The following TNFRSF1B variants were observed in gnomAD, a reference collection of about 807,000 sequenced individuals.
TNFRSF1B encodes TNF receptor superfamily member 1B.
Under a neutral mutation model 44.6 loss-of-function variants are expected in TNFRSF1B, and 19 were observed. That is an observed-to-expected ratio of 0.43 (90% CI 0.30 to 0.62). TNFRSF1B has a LOEUF of 0.62. Among genes scored for constraint, TNFRSF1B ranks in the 20% least tolerant of loss-of-function variants. The pLI is 0.16. For synonymous variants in TNFRSF1B, 252 were observed against 261.1 expected (o/e 0.97, Z 0.34); for missense variants, 541 against 619.9 (o/e 0.87, Z 1.35).
chr1:12,176,342 G>A (rs905678815), intron 1 of TNFRSF1B, among the ~76,000 whole-genome samples: 1 of 152,254 alleles, frequency 6.6e-6, no homozygotes, highest in African/African-American at 2.4e-5. Context: ...GAGGCTGTAA[G>A]TTTAGGGCCA....
chr1:12,206,442 C>A (rs1639504537), intron 9 of TNFRSF1B, among the ~76,000 whole-genome samples: 1 of 151,946 alleles, frequency 6.6e-6, no homozygotes, highest in Admixed American at 6.5e-5. Flanking sequence ...CTCAAGCGAT[C>A]CTACAAACTT....
intron 1 of TNFRSF1B, among the ~76,000 whole-genome samples, chr1:12,183,752 G>T (rs1201133): frequency 0.053 from 3,173 of 60,268 alleles, 178 homozygotes; most frequent in African/African-American, 0.094. Flanking sequence ...TATCTATCTA[G>T]CTAGCTAGCT....
intron 1 of TNFRSF1B, among the ~76,000 whole-genome samples, chr1:12,174,148 T>TCTTCTTCTTCTTCTTCTTCTTCTC (rs1638586183): frequency 1.2e-5 from 1 of 81,882 alleles, no homozygotes. Flanking sequence ...TTCTTCTTCT[T>TCTTCTTCTTCTTCTTCTTCTTCTC]CTTCTTCTTC....
chr1:12,204,033 C>G (rs1639448127), intron 9 of TNFRSF1B, among the ~76,000 whole-genome samples: 1 of 152,224 alleles, frequency 6.6e-6, no homozygotes. Flanking sequence ...CGCAGCCCAT[C>G]TTTCTGATTT....
At chr1:12,193,912 A>C in intron 6 of TNFRSF1B, 43 bp from the exon 7 acceptor site, 1 of 1,559,432 alleles carries the variant, frequency 6.4e-7, no homozygotes, top group Non-Finnish European at 8.8e-7. Context: ...GGTACATTTG[A>C]GTTTGTTTTC....
chr1:12,167,543 C>G (rs1393578343), intron 1 of TNFRSF1B: 2 of 382,786 alleles, frequency 5.2e-6, no homozygotes, highest in African/African-American at 4.4e-5. Context: ...ACTGCCGCGA[C>G]AGCCCTTCCC....
intron 8 of TNFRSF1B, among the ~76,000 whole-genome samples, chr1:12,200,377 G>T (rs558956643): frequency 3.3e-5 from 5 of 152,030 alleles, no homozygotes; most frequent in African/African-American, 1.2e-4. Context: ...AGACGTGAGC[G>T]CTCTCTGCCC....
At chr1:12,183,612 T>G in intron 1 of TNFRSF1B, among the ~76,000 whole-genome samples, 1 of 119,120 alleles carries the variant, frequency 8.4e-6, no homozygotes, top group Non-Finnish European at 2.1e-5. Context: ...TATCTATCTA[T>G]CTGTTTGTCT....
At chr1:12,185,960 G>A (rs1417977266) in intron 1 of TNFRSF1B, among the ~76,000 whole-genome samples, 1 of 152,224 alleles carries the variant, frequency 6.6e-6, no homozygotes, top group Non-Finnish European at 1.5e-5. Context: ...TCAGGGTGGG[G>A]TGCGGGCAGG....
chr1:12,191,995 G>C, intron 4 of TNFRSF1B, 72 bp downstream of exon 4: 1 of 1,543,632 alleles, frequency 6.5e-7, no homozygotes, highest in South Asian at 1.2e-5. Context: ...GCAGTGTCAC[G>C]GGCATCAACC....
chr1:12,184,690 G>T (rs1055811189), intron 1 of TNFRSF1B, among the ~76,000 whole-genome samples: 4 of 152,220 alleles, frequency 2.6e-5, no homozygotes, highest in African/African-American at 9.7e-5. Context: ...CCACGGCAGG[G>T]CTCTTTCCCA....
At chr1:12,201,857 A>T in intron 8 of TNFRSF1B, 110 bp from the exon 9 acceptor site, 1 of 1,413,930 alleles carries the variant, frequency 7.1e-7, no homozygotes. Flanking sequence ...CGTCACGTAA[A>T]CTGAGAAGTG....
chr1:12,191,134 T>A (rs472093), intron 3 of TNFRSF1B, 49 bp downstream of exon 3: 278,063 of 1,591,908 alleles, frequency 0.17, 25,437 homozygotes, highest in Middle Eastern at 0.24. Context: ...TGCCTCCAAC[T>A]TCCCCCGGCA....
At position 12,177,281 on chromosome 1, in the gene TNFRSF1B, A is replaced by G. The variant is rs185450577; in HGVS notation, c.78+10112A>G. Among the ~76,000 whole-genome samples, 1 of 152,166 alleles carries G rather than the reference A, an allele frequency of 6.6e-6. No individual in the cohort carries two copies. The highest frequency in any genetic ancestry group is 2.4e-5 in the African/African-American group (1 of 41,522). On this transcript the variant is annotated intron_variant, in intron 1 of 9. Transcript: ENST00000376259. This position sits in a 1 kb window ranked among gnomAD's most constrained non-coding sequence, Gnocchi z 4.3. ...CTTGGCCTCCCAGAGTGCTGGGATT[A>G]CAGGCGGGAGCCACCGTGCCCGGCC...
Position 12,167,245 on chromosome 1 carries a change from C to G in TNFRSF1B, c.78+76C>G, listed in dbSNP as rs5745952. ...GGCTGGTGCGCAGCCTTCGGGTGCC[C>G]GGGCCGCGCTCTCCCGGGGCGCTGT... On this transcript the variant is annotated intron_variant, in intron 1 of 9. Transcript: ENST00000376259. The G allele has an allele frequency of 1.7e-3, 1,844 of 1,106,984 alleles. 20 individuals are homozygous for G. In the African/African-American group the frequency reaches 0.027, roughly 16 times the overall value. The allele number at this position is 1,106,984 out of a possible 1,614,324, so 68.6% of individuals were successfully genotyped here. A position where few individuals can be genotyped will look rare whatever the true frequency, so the allele number is the denominator to read the frequency against.
Position 12,199,182 on chromosome 1 carries a change from AG to A in TNFRSF1B, c.901-2780del, listed in dbSNP as rs779289121. Among the ~76,000 whole-genome samples, 2 of 152,084 alleles carry A rather than the reference AG, an allele frequency of 1.3e-5. No individual in the cohort carries two copies. Among genetic ancestry groups the A allele is most frequent in the Admixed American group, 1.3e-4 (2 of 15,278 alleles). ...TCTGCCTGGCTGTAGCCACCAGCAG[AG>A]GGGGTGGGGCACAGGCCAGAAAAAC... On this transcript the variant is annotated intron_variant, in intron 8 of 9. Coordinates refer to ENST00000376259, the MANE Select transcript of TNFRSF1B (RefSeq NM_001066.3). The surrounding 1 kb of genome is among the most constrained non-coding windows in gnomAD (Gnocchi z 4.0).
At position 12,191,871 on chromosome 1, in the gene TNFRSF1B, GCT is replaced by G; in HGVS notation, c.406_407del (p.Leu136ValfsTer19). ...CGCTGAGCAAGCAGGAGGGGTGCCG[GCT>G]GTGCGCGCCGCTGCGCAAGTGCCGC... ...CALSKQEGCR[L>X]CAPLRKCRPG... On this transcript the variant is annotated frameshift_variant, in exon 4 of 10. Transcript: ENST00000376259. LOFTEE classifies it high-confidence loss of function. The G allele has an allele frequency of 6.2e-7, 1 of 1,611,616 alleles. No homozygotes were observed.
chr1:12,190,927 A>G (rs764340865), intron 2 of TNFRSF1B, 30 bp from the exon 3 acceptor site: 4 of 1,607,972 alleles, frequency 2.5e-6, no homozygotes, highest in Non-Finnish European at 3.4e-6. Context: ...AGGCTCGCCC[A>G]GCTGAGACCT....
At position 12,178,919 on chromosome 1, in the gene TNFRSF1B, G is replaced by T. The variant is rs921209746; in HGVS notation, c.79-9877G>T. ...TAGGTCCATCTGAAAGGGACAGAAG[G>T]CTGGGAACCAAGACCAAGGAGCCTG... On this transcript the variant is annotated intron_variant, in intron 1 of 9. Coordinates refer to ENST00000376259, the MANE Select transcript of TNFRSF1B (RefSeq NM_001066.3). The surrounding 1 kb of genome is among the most constrained non-coding windows in gnomAD (Gnocchi z 4.3). Among the ~76,000 whole-genome samples, 3 of 152,102 alleles carry T rather than the reference G, an allele frequency of 2.0e-5. No individual in the cohort carries two copies. Among genetic ancestry groups the T allele is most frequent in the Non-Finnish European group, 4.4e-5 (3 of 68,004 alleles).
Sources: allele counts gnomAD v4.1 joint callset (sites outside exome capture counted in the v4.1 genomes callset), GRCh38; gene constraint gnomAD v4.1.1; non-coding constraint Gnocchi (gnomAD v3.1); transcripts MANE v1.5; gene names NCBI Gene and HGNC (gene_info 2026-07-23, HGNC 2026-07-21).